NUMB: variants seen among roughly 807,000 people sequenced by gnomAD.
The protein encoded by NUMB is protein numb homolog.
In NUMB, 29 loss-of-function variants were observed where a neutral mutation model predicts 59.7. That is an observed-to-expected ratio of 0.49 (90% CI 0.36 to 0.66). NUMB has a LOEUF of 0.66. NUMB is among the 30% of genes least tolerant of loss of function. The pLI is 0.00. For synonymous variants in NUMB, 288 were observed against 288.2 expected (o/e 1.00, Z 0.01); for missense variants, 723 against 822.0 (o/e 0.88, Z 1.47).
chr14:73,451,165 A>AC (rs1487370968), intron 1 of NUMB, among the ~76,000 whole-genome samples: 1 of 146,680 alleles, frequency 6.8e-6, no homozygotes, highest in Admixed American at 6.7e-5. Flanking sequence ...AAAAAAAAAA[A>AC]AAAAAAAAAC....
chr14:73,424,630 T>C (rs1241558834), intron 1 of NUMB, among the ~76,000 whole-genome samples: 1 of 152,200 alleles, frequency 6.6e-6, no homozygotes, highest in Non-Finnish European at 1.5e-5. Flanking sequence ...GCATGTCGTA[T>C]TATTTCAGCT....
intron 1 of NUMB, among the ~76,000 whole-genome samples, chr14:73,420,098 T>G (rs1190346473): frequency 1.3e-5 from 2 of 152,178 alleles, no homozygotes; most frequent in Non-Finnish European, 2.9e-5. Context: ...TGACCTCAGG[T>G]GATCCACCCG....
intron 4 of NUMB, among the ~76,000 whole-genome samples, chr14:73,349,492 T>C (rs1348494715): frequency 6.6e-6 from 1 of 150,634 alleles, no homozygotes; most frequent in Non-Finnish European, 1.5e-5. Context: ...GAGAATCTCT[T>C]GAACCTGGGA....
rs777645112 is a variant in NUMB, at chr14:73,316,399, G to C, written c.225C>G (p.Phe75Leu). Residue 75 changes from phenylalanine to leucine, a missense_variant, in exon 6 of 13, where the codon TTC (phenylalanine) becomes TTG (leucine). By Grantham distance (22) the Phe-to-Leu change is conservative (BLOSUM62 0). This residue lies in a region of NUMB where 317 missense variants were observed against 436.6 expected (regional missense o/e 0.73). Coordinates refer to ENST00000555238, the MANE Select transcript of NUMB (RefSeq NM_001005743.2). Reference sequence around the variant, plus strand: ...GTGGCATCAAACTTACTTTTCCAAAGAAGCCTTTGAAGAACTTCCTTTCCT... The same window carrying C: ...GTGGCATCAAACTTACTTTTCCAAACAAGCCTTTGAAGAACTTCCTTTCCT... ...LKAERKFFKGFFGKTGKKAVK... is the reference protein window; with the variant it reads ...LKAERKFFKGLFGKTGKKAVK... The C allele has an allele frequency of 7.4e-6, 12 of 1,613,602 alleles. No homozygotes were observed. Among genetic ancestry groups the C allele is most frequent in the Middle Eastern group, 3.3e-4 (2 of 6,084 alleles).
At chr14:73,302,903 A>C (rs1277530765) in intron 6 of NUMB, among the ~76,000 whole-genome samples, 1 of 152,178 alleles carries the variant, frequency 6.6e-6, no homozygotes, top group Non-Finnish European at 1.5e-5. Context: ...AAAAAACTAC[A>C]TTAAATATCA....
At chr14:73,379,032 A>C (rs996520603) in intron 2 of NUMB, among the ~76,000 whole-genome samples, 6 of 152,152 alleles carry the variant, frequency 3.9e-5, no homozygotes, top group Admixed American at 2.0e-4. Flanking sequence ...TTAAAAATAA[A>C]GTCTATTTTC....
intron 1 of NUMB, among the ~76,000 whole-genome samples, chr14:73,440,011 C>A (rs1255478098): frequency 6.6e-6 from 1 of 152,028 alleles, no homozygotes. Flanking sequence ...TCATTTATAA[C>A]CTATTCTTGC....
intron 1 of NUMB, among the ~76,000 whole-genome samples, chr14:73,422,064 A>G (rs916910983): frequency 1.3e-5 from 2 of 152,142 alleles, no homozygotes; most frequent in Middle Eastern, 6.8e-3. Context: ...GAATCGCTTG[A>G]ATCTGGGAGG....
chr14:73,347,488 A>G (rs940929445), intron 4 of NUMB, among the ~76,000 whole-genome samples: 1 of 152,108 alleles, frequency 6.6e-6, no homozygotes, highest in African/African-American at 2.4e-5. Flanking sequence ...TTTTCAGACA[A>G]GCTTGAATTA....
chr14:73,309,166 C>T (rs1460024586), intron 6 of NUMB, among the ~76,000 whole-genome samples: 1 of 151,974 alleles, frequency 6.6e-6, no homozygotes, highest in East Asian at 1.9e-4. Flanking sequence ...ATAGTTCATC[C>T]CTTGAATGGG....
Position 73,276,665 on chromosome 14 carries a change from T to G in NUMB, c.1869A>C (p.Leu623Phe), listed in dbSNP as rs1594849615. 7 of 1,614,236 alleles carry G rather than the reference T, an allele frequency of 4.3e-6. No individual in the cohort carries two copies. Among genetic ancestry groups the G allele is most frequent in the Non-Finnish European group, 5.9e-6 (7 of 1,180,038 alleles). ...TAGTACGCTGCTTGGACTTATTTTCTAATGCAGCCCACTGGGCTTCAAAAG... is the reference window on the plus strand; with the variant it reads ...TAGTACGCTGCTTGGACTTATTTTCGAATGCAGCCCACTGGGCTTCAAAAG... ...VDPFEAQWAALENKSKQRTNP... is the reference protein window; with the variant it reads ...VDPFEAQWAAFENKSKQRTNP... Residue 623 changes from leucine (L) to phenylalanine (F), a missense_variant, in exon 13 of 13, where the codon TTA becomes TTC. Coordinates refer to ENST00000555238, the MANE Select transcript of NUMB (RefSeq NM_001005743.2).
intron 4 of NUMB, among the ~76,000 whole-genome samples, chr14:73,352,843 G>C (rs1261133333): frequency 1.3e-5 from 2 of 150,244 alleles, no homozygotes; most frequent in South Asian, 4.2e-4. Flanking sequence ...TGCCTGCCCT[G>C]TAATAGTATA....
chr14:73,383,755 T>A (rs1334242881), intron 2 of NUMB, among the ~76,000 whole-genome samples: 2 of 152,028 alleles, frequency 1.3e-5, no homozygotes, highest in African/African-American at 4.8e-5. Context: ...GTGGCTCACA[T>A]CTGTAATACC....
chr14:73,371,467 G>C (rs938463711), intron 2 of NUMB, among the ~76,000 whole-genome samples: 20 of 152,018 alleles, frequency 1.3e-4, no homozygotes, highest in African/African-American at 4.6e-4. Context: ...CCCGGGAGGT[G>C]GAGCTTGCAG....
chr14:73,428,626 TA>T (rs1400477049), intron 1 of NUMB, among the ~76,000 whole-genome samples: 2 of 151,960 alleles, frequency 1.3e-5, no homozygotes, highest in African/African-American at 4.8e-5. Context: ...ACTTTGCCTC[TA>T]AAAAAAATTA....
chr14:73,349,772 G>A (rs1476971008), intron 4 of NUMB, among the ~76,000 whole-genome samples: 1 of 151,782 alleles, frequency 6.6e-6, no homozygotes, highest in Non-Finnish European at 1.5e-5. Context: ...CCAGCTACTT[G>A]GGAGGCTGAG....
In NUMB at chr14:73,436,772, A is replaced by G. The variant is rs557601022; in HGVS notation, c.-233+21721T>C. Among the ~76,000 whole-genome samples, 8 of 151,772 alleles carry G rather than the reference A, an allele frequency of 5.3e-5. No homozygotes were observed. In the East Asian group the frequency reaches 1.6e-3, roughly 30 times the overall value. ...GAGGCGGGCGGATCACGAGGTCAAG[A>G]GATCAAGACCATCCTGGCTAACATG... On this transcript the variant is annotated intron_variant, in intron 1 of 12. Transcript: ENST00000555238.
chr14:73,309,566 T>C (rs1890652040), intron 6 of NUMB, among the ~76,000 whole-genome samples: 1 of 151,962 alleles, frequency 6.6e-6, no homozygotes, highest in African/African-American at 2.4e-5. Flanking sequence ...CACTGGGGCC[T>C]GTCAGAGAGT....
At chr14:73,433,284 T>C (rs1022183862) in intron 1 of NUMB, among the ~76,000 whole-genome samples, 1 of 152,028 alleles carries the variant, frequency 6.6e-6, no homozygotes, top group Non-Finnish European at 1.5e-5. Context: ...TAGCTGGGCA[T>C]GGTGGTGCAT....
Sources: allele counts gnomAD v4.1 joint callset (sites outside exome capture counted in the v4.1 genomes callset), GRCh38; gene constraint gnomAD v4.1.1; regional missense constraint gnomAD v4.1.1; transcripts MANE v1.5; gene names NCBI Gene and HGNC (gene_info 2026-07-23, HGNC 2026-07-21).